The following P2RX7 variants were observed in gnomAD, a reference collection of about 807,000 sequenced individuals.
The protein encoded by P2RX7 is P2X purinoceptor 7.
P2RX7 carries 62 observed loss-of-function variants against 71.6 expected under a neutral mutation model. The observed-to-expected ratio is 0.87, with a 90% CI of 0.71 to 1.07. P2RX7 has a LOEUF of 1.07. Among genes scored for constraint, P2RX7 ranks in the 50% least tolerant of loss-of-function variants. The pLI is 0.00. For synonymous variants in P2RX7, 299 were observed against 283.3 expected, an observed-to-expected ratio of 1.06 and a Z score of -0.56; for missense variants, 686 against 748.5, an observed-to-expected ratio of 0.92 and a Z score of 0.97.
Position 121,181,180 on chromosome 12 carries a change from C to T in P2RX7, c.1290+725C>T, listed in dbSNP as rs193108219. On this transcript the variant is annotated intron_variant, in intron 12 of 12. Transcript: ENST00000328963. ...ACGTAGTATGTAAGCGGTATATACG[C>T]GGTTGAGTGTCTGGCTTCCTTTACT... Among the ~76,000 whole-genome samples, 140 of 152,248 alleles carry T rather than the reference C, an allele frequency of 9.2e-4. 1 individual carries two copies. Among genetic ancestry groups the T allele is most frequent in the Admixed American group, 3.1e-3 (47 of 15,284 alleles).
chr12:121,134,896 T>G (rs1873213441), intron 1 of P2RX7, among the ~76,000 whole-genome samples: 2 of 152,112 alleles, frequency 1.3e-5, no homozygotes. Context: ...GGCTATGTCT[T>G]CTGGGCCAAG....
Position 121,161,838 on chromosome 12 carries a change from TA to T in P2RX7, c.437-573del, listed in dbSNP as rs199517852. Reference sequence around the variant, plus strand: ...GCAATTTTAAAAATACTGCAAATAGTAAAAAAAAAAAAATCAGTGGTTATAA... The same window carrying T: ...GCAATTTTAAAAATACTGCAAATAGTAAAAAAAAAAAATCAGTGGTTATAA... On this transcript the variant is annotated intron_variant, in intron 4 of 12. Transcript: ENST00000328963. Among the ~76,000 whole-genome samples, 690 of 133,954 alleles carry T rather than the reference TA, an allele frequency of 5.2e-3. 4 individuals carry two copies. The highest frequency in any genetic ancestry group is 0.014 in the African/African-American group (493 of 36,158). 87.9% of individuals were successfully genotyped at this position (133,954 alleles called of 152,430 possible).
At position 121,180,475 on chromosome 12, in the gene P2RX7, C is replaced by CA; in HGVS notation, c.1290+20_1290+21insA. Reference sequence around the variant, plus strand: ...GTCCCAGTAAGTTAAATCATTTTGTCTTTTTTTTTTTTTTAAGAAAATTTA... The same window carrying CA: ...GTCCCAGTAAGTTAAATCATTTTGTCATTTTTTTTTTTTTTAAGAAAATTTA... On this transcript the variant is annotated intron_variant, in intron 12 of 12. Coordinates refer to ENST00000328963, the MANE Select transcript of P2RX7 (RefSeq NM_002562.6). The CA allele has an allele frequency of 9.9e-7, 1 of 1,009,610 alleles. No homozygotes were observed. Among genetic ancestry groups the CA allele is most frequent in the Non-Finnish European group, 1.4e-6 (1 of 698,686 alleles). The allele number at this position is 1,009,610 out of a possible 1,614,324, so 62.5% of individuals were successfully genotyped here.
chr12:121,143,081 C>CAA (rs76972263), intron 1 of P2RX7, among the ~76,000 whole-genome samples: 40 of 123,534 alleles, frequency 3.2e-4, no homozygotes, highest in African/African-American at 6.9e-4. Context: ...GACTTCATCT[C>CAA]AAAAAAAAAA....
chr12:121,150,590 C>T (rs766880190), intron 1 of P2RX7, among the ~76,000 whole-genome samples: 70 of 152,362 alleles, frequency 4.6e-4, no homozygotes, highest in Admixed American at 1.2e-3. Flanking sequence ...CTTACCCCAA[C>T]ATCTTTCTTG....
rs959187351 is a variant in P2RX7, at chr12:121,174,208, C to T, written c.882-1180C>T. On this transcript the variant is annotated intron_variant, in intron 8 of 12. Coordinates refer to ENST00000328963, the MANE Select transcript of P2RX7 (RefSeq NM_002562.6). The stretch of plus-strand genomic sequence containing the variant: ...GATTACAGGTGCCTGCCACCATGCA[C>T]GGCTAATTTTTGTATTTTTAGTAGA... Among the ~76,000 whole-genome samples the T allele has an allele frequency of 7.9e-5, 12 of 151,724 alleles. No homozygotes were observed. The East Asian group carries it at 1.4e-3, about 17-fold the overall frequency.
intron 3 of P2RX7, among the ~76,000 whole-genome samples, chr12:121,157,091 G>C (rs78906567): frequency 6.6e-6 from 1 of 152,106 alleles, no homozygotes; most frequent in Non-Finnish European, 1.5e-5. Flanking sequence ...CTATACCAGC[G>C]TGTTACTGCT....
chr12:121,148,993 G>A (rs1181301913), intron 1 of P2RX7: 15 of 502,074 alleles, frequency 3.0e-5, no homozygotes, highest in South Asian at 9.5e-5. Flanking sequence ...TTACCTTTGC[G>A]CTGGAAGCCC....
chr12:121,144,858 C>T (rs1378513677), intron 1 of P2RX7, among the ~76,000 whole-genome samples: 1 of 152,074 alleles, frequency 6.6e-6, no homozygotes, highest in African/African-American at 2.4e-5. Context: ...AAGAGTGCAC[C>T]ATGCTTCTGG....
chr12:121,162,371 C>A, intron 4 of P2RX7, 53 bp from the exon 5 acceptor site: 2 of 1,606,556 alleles, frequency 1.2e-6, no homozygotes, highest in Non-Finnish European at 1.7e-6. Context: ...TGGAGAACGT[C>A]CTCTCCGCAG....
At chr12:121,158,263 T>G (rs986888899) in intron 3 of P2RX7, among the ~76,000 whole-genome samples, 1 of 152,238 alleles carries the variant, frequency 6.6e-6, no homozygotes, top group Admixed American at 6.5e-5. Context: ...GTTCAGTGGT[T>G]GACTGAGTTC....
At position 121,177,445 on chromosome 12, in the gene P2RX7, C is replaced by T. The variant is rs148113984; in HGVS notation, c.1187C>T (p.Pro396Leu). The T allele has an allele frequency of 7.4e-6, 12 of 1,612,638 alleles. No individual in the cohort carries two copies. The highest frequency in any genetic ancestry group is 1.1e-5 in the South Asian group (1 of 91,018). ...KKCESIVEPK[P>L]TLKYVSFVDE... ...TGCGAGTCCATTGTGGAGCCAAAGCCGGTGAGGCCGCTGTGTTCACAGGAC... is the reference window on the plus strand; with the variant it reads ...TGCGAGTCCATTGTGGAGCCAAAGCTGGTGAGGCCGCTGTGTTCACAGGAC... Residue 396 changes from proline (P) to leucine (L), a missense_variant and splice_region_variant, in exon 11 of 13, where the codon CCG becomes CTG. By Grantham distance (98) the Pro-to-Leu change is moderately conservative. Coordinates refer to ENST00000328963, the MANE Select transcript of P2RX7 (RefSeq NM_002562.6).
intron 4 of P2RX7, among the ~76,000 whole-genome samples, chr12:121,162,036 T>C (rs188600577): frequency 1.3e-5 from 2 of 152,296 alleles, no homozygotes; most frequent in Admixed American, 6.5e-5. Context: ...GCTGATTTCA[T>C]GGCTTTGCAC....
In P2RX7 at chr12:121,154,722, C is replaced by T. The variant is rs28360443; in HGVS notation, c.126-63C>T. 2.7e-3 allele frequency: 2,858 copies of T among 1,060,252 alleles called. 29 individuals are homozygous for T. The highest frequency in any genetic ancestry group is 0.017 in the Middle Eastern group (85 of 5,048). 65.7% of individuals were successfully genotyped at this position (1,060,252 alleles called of 1,614,324 possible). On this transcript the variant is annotated intron_variant, in intron 1 of 12. Coordinates refer to ENST00000328963, the MANE Select transcript of P2RX7 (RefSeq NM_002562.6). This position sits in a 1 kb window ranked among gnomAD's most constrained non-coding sequence, Gnocchi z 4.2. ...GAACAGAAGTGCCTGCATCCTCCAA[C>T]GCCTGCATCCCAACCCGCTGTGCTA...
At position 121,180,389 on chromosome 12, in the gene P2RX7, C is replaced by T. The variant is rs1393293884; in HGVS notation, c.1224C>T (p.His408=). The T allele has an allele frequency of 1.9e-6, 3 of 1,605,874 alleles. No individual in the cohort carries two copies. The highest frequency in any genetic ancestry group is 3.4e-5 in the Admixed American group (2 of 59,014). The change falls in exon 12 of 13, where the codon CAC becomes CAT. Residue 408 remains histidine (H), a synonymous_variant. Coordinates refer to ENST00000328963, the MANE Select transcript of P2RX7 (RefSeq NM_002562.6). ...ATGTGTCCTTTGTGGATGAATCCCA[C>T]ATTAGGATGGTGAACCAGCAGCTAC... is the stretch of plus-strand genomic sequence containing the variant. ...LKYVSFVDES[H]IRMVNQQLLG...
At chr12:121,143,532 C>T (rs954381002) in intron 1 of P2RX7, among the ~76,000 whole-genome samples, 27 of 149,200 alleles carry the variant, frequency 1.8e-4, no homozygotes, top group South Asian at 6.4e-4. Context: ...CCAGCCTGGG[C>T]GACAGAGTGA....
At chr12:121,146,138 T>G (rs1876132956) in intron 1 of P2RX7, among the ~76,000 whole-genome samples, 1 of 151,990 alleles carries the variant, frequency 6.6e-6, no homozygotes, top group African/African-American at 2.4e-5. Context: ...TCTTCTACTC[T>G]TCAAATGGCT....
chr12:121,145,509 TC>T (rs1875970185), intron 1 of P2RX7, among the ~76,000 whole-genome samples: 1 of 147,268 alleles, frequency 6.8e-6, no homozygotes, highest in Non-Finnish European at 1.5e-5. Flanking sequence ...CTTCTTTCTT[TC>T]TTTTTTTTTT....
chr12:121,180,204 G>A, intron 11 of P2RX7, 150 bp from the exon 12 acceptor site: 1 of 369,614 alleles, frequency 2.7e-6, no homozygotes, highest in South Asian at 7.8e-5. Context: ...TTTAGACTCA[G>A]AAATCATTAA....
Sources: gnomAD v4.1 joint callset for allele counts (sites outside exome capture counted in the v4.1 genomes callset) on GRCh38, gnomAD v4.1.1 for gene constraint, Gnocchi (gnomAD v3.1) non-coding constraint, MANE v1.5 for transcripts, NCBI Gene and HGNC (gene_info 2026-07-23, HGNC 2026-07-21) for gene names.